PRPH2: variants seen among roughly 807,000 people sequenced by gnomAD.
The protein encoded by PRPH2 is peripherin 2.
In PRPH2, 17 loss-of-function variants were observed where a neutral mutation model predicts 31.3. The ratio of observed to expected loss-of-function variants is 0.54; its 90% CI spans 0.37 to 0.81. The LOEUF (loss-of-function observed/expected upper bound fraction) is 0.81, where lower values mean the gene tolerates loss of function less well. Ranked by LOEUF, PRPH2 falls within the 40% of genes least tolerant of loss-of-function variation. The pLI is 0.00. For synonymous variants in PRPH2, 165 were observed against 184.4 expected (o/e 0.89, Z 0.85); for missense variants, 430 against 439.7 (o/e 0.98, Z 0.20).
At chr6:42,710,594 C>T (rs912669298) in intron 1 of PRPH2, among the ~76,000 whole-genome samples, 2 of 152,134 alleles carry the variant, frequency 1.3e-5, no homozygotes, top group African/African-American at 2.4e-5. Context: ...TATATCACAG[C>T]GTGTTTCCCA....
At chr6:42,713,855 G>T (rs1409826740) in intron 1 of PRPH2, among the ~76,000 whole-genome samples, 1 of 140,952 alleles carries the variant, frequency 7.1e-6, no homozygotes, top group African/African-American at 2.7e-5. Flanking sequence ...GGGAGGCGAA[G>T]GTTGCAGTGA....
At chr6:42,700,321 A>G (rs149317127) in intron 2 of PRPH2, among the ~76,000 whole-genome samples, 21 of 152,238 alleles carry the variant, frequency 1.4e-4, no homozygotes, top group African/African-American at 4.8e-4. Context: ...TTCTGTACAA[A>G]TTCCCGGCTT....
At chr6:42,717,303 C>A (rs1761807230) in intron 1 of PRPH2, among the ~76,000 whole-genome samples, 1 of 151,642 alleles carries the variant, frequency 6.6e-6, no homozygotes, top group African/African-American at 2.4e-5. Context: ...ACATGTAATA[C>A]CAGCTACTTG....
Position 42,697,974 on chromosome 6 carries a change from C to A in PRPH2, c.*321G>T, listed in dbSNP as rs760803802. 7 of 370,880 alleles carry A rather than the reference C, an allele frequency of 1.9e-5. No homozygotes were observed. The highest frequency in any genetic ancestry group is 3.0e-5 in the Non-Finnish European group (6 of 199,450). 23.0% of individuals were successfully genotyped at this position (370,880 alleles called of 1,614,324 possible). On this transcript the variant is annotated 3_prime_UTR_variant, in exon 3 of 3. Coordinates refer to ENST00000230381, the MANE Select transcript of PRPH2 (RefSeq NM_000322.5). The stretch of plus-strand genomic sequence containing the variant: ...AGTGGCCATAGGGTGGGACTAAATC[C>A]GTGTGAGAAAGATGGGTCCTGGGCT...
intron 1 of PRPH2, 28 bp downstream of exon 1, chr6:42,721,726 T>C (rs765006899): frequency 3.1e-6 from 5 of 1,613,060 alleles, no homozygotes; most frequent in South Asian, 1.1e-5. Context: ...TATTCATAGC[T>C]CTGACCCCAG....
rs774283909 is a variant in PRPH2 at position 42,698,051 on chromosome 6, G to A, written c.*244C>T. ...CCAGGAGGGCATATCCTAGGGCAGC[G>A]GGCCTGAAGGGAGCTTCACTCACAT... On this transcript the variant is annotated 3_prime_UTR_variant, in exon 3 of 3. Coordinates refer to ENST00000230381, the MANE Select transcript of PRPH2 (RefSeq NM_000322.5). 2.0e-5 allele frequency: 11 copies of A among 548,528 alleles called. No individual in the cohort carries two copies. Among genetic ancestry groups the A allele is most frequent in the East Asian group, 6.6e-5 (2 of 30,464 alleles). 34.0% of individuals were successfully genotyped at this position (548,528 alleles called of 1,614,324 possible).
At chr6:42,716,882 A>G (rs1370514718) in intron 1 of PRPH2, among the ~76,000 whole-genome samples, 1 of 144,644 alleles carries the variant, frequency 6.9e-6, no homozygotes, top group Non-Finnish European at 1.5e-5. Context: ...AGCCTCCCAA[A>G]GTGCTAGGAT....
rs1799962971 is a variant in PRPH2 at position 42,697,467 on chromosome 6, G to T, written c.*828C>A. 6.6e-6 allele frequency: 1 copy of T among 152,292 alleles called. No homozygotes were observed. The highest frequency in any genetic ancestry group is 1.5e-5 in the Non-Finnish European group (1 of 68,182). The allele number at this position is 152,292 out of a possible 1,614,324, so 9.4% of individuals were successfully genotyped here. ...GTCTGATTGTTGCTCCTCTTCCACA[G>T]CAGGGCAGCAGCCTACCCCACTGCT... On this transcript the variant is annotated 3_prime_UTR_variant, in exon 3 of 3. Transcript: ENST00000230381.
chr6:42,720,437 C>T (rs1021915028), intron 1 of PRPH2, among the ~76,000 whole-genome samples: 3 of 152,120 alleles, frequency 2.0e-5, no homozygotes, highest in African/African-American at 7.2e-5. Context: ...ATCGTGGCAT[C>T]TTGTGCTGCC....
chr6:42,703,576 A>G (rs901205110), intron 2 of PRPH2, among the ~76,000 whole-genome samples: 2 of 151,818 alleles, frequency 1.3e-5, no homozygotes, highest in Admixed American at 6.5e-5. Context: ...TAACTAAAAG[A>G]AGCCAAACGT....
intron 1 of PRPH2, among the ~76,000 whole-genome samples, chr6:42,706,517 A>G (rs1800167406): frequency 6.6e-6 from 1 of 151,992 alleles, no homozygotes; most frequent in Non-Finnish European, 1.5e-5. Flanking sequence ...AGGCACGAGA[A>G]TCACTTGAGC....
chr6:42,704,347 A>T lies in PRPH2; in HGVS notation c.828+18T>A. 2 of 1,604,366 alleles carry T rather than the reference A, an allele frequency of 1.2e-6. No homozygotes were observed. Among genetic ancestry groups the T allele is most frequent in the Non-Finnish European group, 1.7e-6 (2 of 1,175,632 alleles). On this transcript the variant is annotated intron_variant, in intron 2 of 2. Coordinates refer to ENST00000230381, the MANE Select transcript of PRPH2 (RefSeq NM_000322.5). Reference sequence around the variant, plus strand: ...GAGGCTCTCCTTACCCTCTACCCCCAGCTGGCCCAGGGCCTACCTCGAAGA... The same window carrying T: ...GAGGCTCTCCTTACCCTCTACCCCCTGCTGGCCCAGGGCCTACCTCGAAGA...
Position 42,717,730 on chromosome 6 carries a change from C to T in PRPH2, c.581+4024G>A, listed in dbSNP as rs147457347. 5.1e-3 allele frequency among the ~76,000 whole-genome samples: 781 copies of T among 152,048 alleles called. 5 individuals are homozygous for T. Among genetic ancestry groups the T allele is most frequent in the African/African-American group, 0.018 (755 of 41,472 alleles). Reference sequence around the variant, plus strand: ...CCATTCCACAGTCTCTCATTCATTCCTTCTTTCATTCCTTCTACCAACAGA... The same window carrying T: ...CCATTCCACAGTCTCTCATTCATTCTTTCTTTCATTCCTTCTACCAACAGA... On this transcript the variant is annotated intron_variant, in intron 1 of 2. Coordinates refer to ENST00000230381, the MANE Select transcript of PRPH2 (RefSeq NM_000322.5).
intron 1 of PRPH2, chr6:42,711,834 C>A: frequency 1.0e-6 from 1 of 985,326 alleles, no homozygotes; most frequent in Non-Finnish European, 1.2e-6. Context: ...GACTGGGGAC[C>A]CCAGGCTGGG....
chr6:42,705,583 AAAAAAAAAAAAAAAAAATATATATATAT>A lies in PRPH2; in HGVS notation c.582-1000_582-973del, dbSNP rs1324006033. Among the ~76,000 whole-genome samples, 183 of 59,134 alleles carry A rather than the reference AAAAAAAAAAAAAAAAAATATATATATAT, an allele frequency of 3.1e-3. 3 individuals carry two copies. The highest frequency in any genetic ancestry group is 8.2e-3 in the Middle Eastern group (1 of 122). The allele number at this position is 59,134 out of a possible 152,430, so 38.8% of individuals were successfully genotyped here. On this transcript the variant is annotated intron_variant, in intron 1 of 2. Transcript: ENST00000230381. The stretch of plus-strand genomic sequence containing the variant: ...AGAACAAGACTTTCTCTAAAAAAAA[AAAAAAAAAAAAAAAAAATATATATATAT>A]ATATATATATATATATATATTTGTG...
chr6:42,717,241 A>T lies in PRPH2; in HGVS notation c.581+4513T>A, dbSNP rs1350650487. On this transcript the variant is annotated intron_variant, in intron 1 of 2. Transcript: ENST00000230381. ...CAGCCTGGCCAACATGGTGAAACTC[A>T]GTCTCTACTAAAAATACAAAAAAAA... Among the ~76,000 whole-genome samples, 9 of 151,336 alleles carry T rather than the reference A, an allele frequency of 5.9e-5. No homozygotes were observed. The South Asian group carries it at 1.9e-3, about 32-fold the overall frequency.
chr6:42,705,884 G>A (rs965139251), intron 1 of PRPH2, among the ~76,000 whole-genome samples: 5 of 149,330 alleles, frequency 3.3e-5, no homozygotes, highest in Admixed American at 6.7e-5. Context: ...ACTTGAACCC[G>A]GGAGGAAGAG....
intron 2 of PRPH2, among the ~76,000 whole-genome samples, chr6:42,702,103 G>A (rs914498049): frequency 2.0e-5 from 3 of 152,008 alleles, no homozygotes; most frequent in Non-Finnish European, 4.4e-5. Flanking sequence ...AGCCAGGCGT[G>A]GTGGTGGGCG....
intron 1 of PRPH2, among the ~76,000 whole-genome samples, chr6:42,716,969 T>C (rs1409827167): frequency 1.7e-5 from 2 of 120,600 alleles, no homozygotes; most frequent in East Asian, 2.4e-4. Flanking sequence ...TTTCTTTTTT[T>C]TTTTTTTTTT....
Sources: gnomAD v4.1 joint callset for allele counts (sites outside exome capture counted in the v4.1 genomes callset) on GRCh38, gnomAD v4.1.1 for gene constraint, MANE v1.5 for transcripts, NCBI Gene and HGNC (gene_info 2026-07-23, HGNC 2026-07-21) for gene names.